The following LRP1B variants were observed in gnomAD, a reference collection of about 807,000 sequenced individuals.
LRP1B encodes the protein low-density lipoprotein receptor-related protein 1B.
A neutral mutation model predicts 556.6 loss-of-function variants in LRP1B; 217 were observed. The ratio of observed to expected loss-of-function variants is 0.39; its 90% CI spans 0.35 to 0.44. The LOEUF is 0.44. Ranked by LOEUF, LRP1B falls within the 20% of genes least tolerant of loss-of-function variation. LRP1B has a pLI of 1.00. For synonymous variants in LRP1B, 2,047 were observed against 1,865.8 expected, an observed-to-expected ratio of 1.10 and a Z score of -2.50; for missense variants, 5,053 against 5,620.8, an observed-to-expected ratio of 0.90 and a Z score of 3.23.
Position 140,813,718 on chromosome 2 carries a change from A to G in LRP1B, c.5298T>C (p.Asn1766=). The G allele has an allele frequency of 1.2e-6, 2 of 1,612,458 alleles. No individual in the cohort carries two copies. Residue 1766 remains asparagine, a synonymous_variant, in exon 32 of 91, where the codon AAT becomes AAC. Coordinates refer to ENST00000389484, the MANE Select transcript of LRP1B (RefSeq NM_018557.3). ...CTTTCATTGACTCGATTACTTCTAA[A>G]TTACCACCATCCAGGTTGCATCTAT... is the stretch of plus-strand genomic sequence containing the variant. ...TINRCNLDGG[N]LEVIESMKEE...
At position 140,832,678 on chromosome 2, in the gene LRP1B, A is replaced by G. The variant is rs114775336; in HGVS notation, c.5209+7313T>C. 3.3e-3 allele frequency among the ~76,000 whole-genome samples: 498 copies of G among 152,290 alleles called. 2 individuals are homozygous for G. The highest frequency in any genetic ancestry group is 5.9e-3 in the Admixed American group (90 of 15,298). ...ACCACATGTTCTCCCACATATATGG[A>G]AGCTAAAAAAGTAGATCTCTTGTGG... On this transcript the variant is annotated intron_variant, in intron 31 of 90. Coordinates refer to ENST00000389484, the MANE Select transcript of LRP1B (RefSeq NM_018557.3).
intron 1 of LRP1B, among the ~76,000 whole-genome samples, chr2:141,886,964 CTT>C (rs66668893): frequency 2.6e-4 from 37 of 142,240 alleles, no homozygotes; most frequent in East Asian, 4.1e-4. Context: ...TTTTCTTTTT[CTT>C]TTTTTTTTTT....
At chr2:140,291,364 GGTTT>G (rs979242645) in intron 84 of LRP1B, among the ~76,000 whole-genome samples, 1 of 134,816 alleles carries the variant, frequency 7.4e-6, no homozygotes, top group African/African-American at 2.6e-5. Flanking sequence ...ACAACGTGCA[GGTTT>G]GTTACATATG....
At chr2:141,781,850 AGAT>A (rs34850788) in intron 2 of LRP1B, among the ~76,000 whole-genome samples, 28,312 of 151,854 alleles carry the variant, frequency 0.19, 3,077 homozygotes, top group East Asian at 0.38. Flanking sequence ...ATGAGAACAA[AGAT>A]GATGATGATG....
intron 11 of LRP1B, among the ~76,000 whole-genome samples, chr2:141,025,664 T>C (rs1698197732): frequency 6.6e-6 from 1 of 152,070 alleles, no homozygotes; most frequent in Non-Finnish European, 1.5e-5. Context: ...CCTGCTGATG[T>C]ACTCTGCAAA....
At chr2:141,624,087 G>T (rs1468778515) in intron 2 of LRP1B, among the ~76,000 whole-genome samples, 4 of 141,350 alleles carry the variant, frequency 2.8e-5, no homozygotes, top group Non-Finnish European at 4.6e-5. Context: ...ATATATACAT[G>T]GCATGCAAGG....
At chr2:142,013,540 C>T (rs2105159950) in intron 1 of LRP1B, among the ~76,000 whole-genome samples, 1 of 151,754 alleles carries the variant, frequency 6.6e-6, no homozygotes, top group East Asian at 1.9e-4. Flanking sequence ...ATCCTTCTTA[C>T]ACATGTAATA....
At chr2:141,288,744 C>T (rs1045475879) in intron 3 of LRP1B, among the ~76,000 whole-genome samples, 1 of 152,122 alleles carries the variant, frequency 6.6e-6, no homozygotes, top group African/African-American at 2.4e-5. Context: ...ATACCTAAAA[C>T]TCTTTTCTTC....
chr2:141,515,272 A>T (rs1024730844), intron 2 of LRP1B, among the ~76,000 whole-genome samples: 1 of 151,506 alleles, frequency 6.6e-6, no homozygotes, highest in African/African-American at 2.4e-5. Flanking sequence ...ACTGCACTCC[A>T]GCCTGGGCAA....
chr2:140,320,653 C>G (rs1434414016), intron 82 of LRP1B, among the ~76,000 whole-genome samples: 1 of 151,930 alleles, frequency 6.6e-6, no homozygotes, highest in Non-Finnish European at 1.5e-5. Context: ...GTCTCGAACC[C>G]CTGGGTTCAA....
intron 43 of LRP1B, among the ~76,000 whole-genome samples, chr2:140,582,818 C>G (rs1017890749): frequency 6.6e-6 from 1 of 152,142 alleles, no homozygotes; most frequent in African/African-American, 2.4e-5. Flanking sequence ...GACTAAGATA[C>G]TGCAGCATTT....
chr2:140,664,105 G>A (rs1685187024), intron 41 of LRP1B, among the ~76,000 whole-genome samples: 1 of 152,116 alleles, frequency 6.6e-6, no homozygotes, highest in Non-Finnish European at 1.5e-5. Flanking sequence ...GCAGTTTGTG[G>A]TGCCTCAAAA....
rs546363054 is a variant in LRP1B at position 141,465,855 on chromosome 2, A to C, written c.343+14541T>G. 6.8e-4 allele frequency among the ~76,000 whole-genome samples: 98 copies of C among 143,362 alleles called. 1 individual carries two copies. Among genetic ancestry groups the C allele is most frequent in the African/African-American group, 2.4e-3 (92 of 38,424 alleles). The allele number at this position is 143,362 out of a possible 152,430, so 94.1% of individuals were successfully genotyped here. On this transcript the variant is annotated intron_variant, in intron 3 of 90. Transcript: ENST00000389484. ...GCCACTGTGCCTGGCCTATAGCATG[A>C]CTTTTATACCTCTCAGGTATGTTTT...
chr2:141,244,006 T>C (rs1301977863), intron 5 of LRP1B, among the ~76,000 whole-genome samples: 1 of 152,182 alleles, frequency 6.6e-6, no homozygotes, highest in Non-Finnish European at 1.5e-5. Context: ...TTAGATTAAT[T>C]TACCTAATTG....
chr2:141,288,406 C>A (rs1045829828), intron 3 of LRP1B, among the ~76,000 whole-genome samples: 2 of 151,912 alleles, frequency 1.3e-5, no homozygotes, highest in Non-Finnish European at 2.9e-5. Context: ...AGTGAAAATG[C>A]ATATTTCCAT....
At chr2:140,372,933 G>A (rs1683056803) in intron 69 of LRP1B, 75 bp downstream of exon 69, 50 of 1,503,022 alleles carry the variant, frequency 3.3e-5, no homozygotes, top group Admixed American at 6.9e-5. Context: ...ACTGTTTTCT[G>A]CATATTGCTG....
chr2:141,304,800 C>A (rs1030092824), intron 3 of LRP1B, among the ~76,000 whole-genome samples: 3 of 152,064 alleles, frequency 2.0e-5, no homozygotes, highest in African/African-American at 7.2e-5. Context: ...CACACCCAGT[C>A]CAGTTTCATT....
intron 1 of LRP1B, among the ~76,000 whole-genome samples, chr2:141,957,109 A>G (rs1418289661): frequency 6.6e-6 from 1 of 152,032 alleles, no homozygotes; most frequent in Non-Finnish European, 1.5e-5. Flanking sequence ...TTGTGTATAA[A>G]TAAGCATACA....
rs550865046 is a variant in LRP1B, at chr2:141,172,719, T to C, written c.1013+15702A>G. 9.9e-5 allele frequency among the ~76,000 whole-genome samples: 15 copies of C among 152,180 alleles called. No homozygotes were observed. The South Asian group carries it at 2.7e-3, about 27-fold the overall frequency. On this transcript the variant is annotated intron_variant, in intron 7 of 90. Transcript: ENST00000389484. Reference sequence around the variant, plus strand: ...ATTGGCTGATAAATAGAATCTGATATATATATAAGTCTGTGGAAAAATAGA... The same window carrying C: ...ATTGGCTGATAAATAGAATCTGATACATATATAAGTCTGTGGAAAAATAGA...
Sources: gnomAD v4.1 joint callset for allele counts (sites outside exome capture counted in the v4.1 genomes callset) on GRCh38, gnomAD v4.1.1 for gene constraint, MANE v1.5 for transcripts, NCBI Gene and HGNC (gene_info 2026-07-23, HGNC 2026-07-21) for gene names.